Variants in PTPN11 observed in about 807,000 individuals in gnomAD.
PTPN11 encodes protein tyrosine phosphatase non-receptor type 11, also known as tyrosine-protein phosphatase non-receptor type 11.
In PTPN11, 6 loss-of-function variants were observed where a neutral mutation model predicts 78.8. That is an observed-to-expected ratio of 0.08 (90% CI 0.04 to 0.15). The LOEUF (loss-of-function observed/expected upper bound fraction) is 0.15, where lower values mean the gene tolerates loss of function less well. Among genes scored for constraint, PTPN11 ranks in the 10% least tolerant of loss-of-function variants. The pLI is 1.00. For synonymous variants in PTPN11, 221 were observed against 263.5 expected, an observed-to-expected ratio of 0.84 and a Z score of 1.56; for missense variants, 386 against 744.8, an observed-to-expected ratio of 0.52 and a Z score of 5.61.
intron 11 of PTPN11, 70 bp downstream of exon 11, chr12:112,486,699 C>T: frequency 1.3e-6 from 2 of 1,584,052 alleles, no homozygotes; most frequent in African/African-American, 1.3e-5. Context: ...CTTGCTTTTA[C>T]CTACCCACTC....
At position 112,418,987 on chromosome 12, in the gene PTPN11, G is replaced by T. The variant is rs1430863892; in HGVS notation, c.-125G>T. 5.7e-5 allele frequency: 71 copies of T among 1,251,566 alleles called. No individual in the cohort carries two copies. The highest frequency in any genetic ancestry group is 7.8e-5 in the Non-Finnish European group (70 of 896,944). The allele number at this position is 1,251,566 out of a possible 1,614,324, so 77.5% of individuals were successfully genotyped here. A position where few individuals can be genotyped will look rare whatever the true frequency, so the allele number is the denominator to read the frequency against. ...CAGGCCTGGAGGGGGGTCTGTGCGCGGCCGGCTGGCTCTGCCCCGCGTCCG... is the reference window on the plus strand; with the variant it reads ...CAGGCCTGGAGGGGGGTCTGTGCGCTGCCGGCTGGCTCTGCCCCGCGTCCG... On this transcript the variant is annotated 5_prime_UTR_variant, in exon 1 of 16. Coordinates refer to ENST00000351677, the MANE Select transcript of PTPN11 (RefSeq NM_002834.5).
At chr12:112,438,927 G>C (rs1214470456) in intron 1 of PTPN11, among the ~76,000 whole-genome samples, 1 of 150,446 alleles carries the variant, frequency 6.6e-6, no homozygotes, top group Non-Finnish European at 1.5e-5. Flanking sequence ...TGCCTGGCTT[G>C]TTTTGTTTTT....
chr12:112,439,585 C>T (rs2037849568), intron 1 of PTPN11, among the ~76,000 whole-genome samples: 1 of 152,094 alleles, frequency 6.6e-6, no homozygotes, highest in Non-Finnish European at 1.5e-5. Context: ...TCTCCTGCCT[C>T]AGCCTCCGGA....
intron 6 of PTPN11, among the ~76,000 whole-genome samples, chr12:112,472,564 C>T (rs572571518): frequency 4.0e-5 from 6 of 149,344 alleles, no homozygotes; most frequent in South Asian, 2.1e-4. Flanking sequence ...GACGGAGTCT[C>T]GCTCTTTCGC....
chr12:112,481,249 T>C (rs907400557), intron 9 of PTPN11, among the ~76,000 whole-genome samples: 3 of 152,186 alleles, frequency 2.0e-5, no homozygotes, highest in African/African-American at 7.2e-5. Context: ...CAGCCTAGCC[T>C]CCTCCAGAAT....
At chr12:112,481,899 C>T (rs2038601084) in intron 9 of PTPN11, among the ~76,000 whole-genome samples, 175 bp from the exon 10 acceptor site, 1 of 152,230 alleles carries the variant, frequency 6.6e-6, no homozygotes, top group Non-Finnish European at 1.5e-5. Flanking sequence ...CCTCCGAATG[C>T]CTGCTTTTCT....
At chr12:112,473,099 C>T (rs1021067731) in intron 7 of PTPN11, 59 bp downstream of exon 7, 26 of 1,353,148 alleles carry the variant, frequency 1.9e-5, no homozygotes, top group Non-Finnish European at 2.5e-5. Flanking sequence ...TTCCTAGCAC[C>T]TCTGTACCTT....
intron 1 of PTPN11, 126 bp from the exon 2 acceptor site, chr12:112,446,150 A>G (rs2037991053): frequency 3.4e-6 from 4 of 1,179,298 alleles, no homozygotes; most frequent in East Asian, 2.5e-5. Flanking sequence ...AGGGACAGGG[A>G]AGGTCTTGAT....
chr12:112,419,012 G>A lies in PTPN11; in HGVS notation c.-100G>A. The A allele has an allele frequency of 2.0e-6, 3 of 1,469,884 alleles. No homozygotes were observed. The highest frequency in any genetic ancestry group is 2.5e-5 in the East Asian group (1 of 39,354). The allele number at this position is 1,469,884 out of a possible 1,614,324, so 91.1% of individuals were successfully genotyped here. ...GGCCGGCTGGCTCTGCCCCGCGTCC[G>A]GTCCCGAGCGGGCCTCCCTCGGGCC... On this transcript the variant is annotated 5_prime_UTR_variant, in exon 1 of 16. Transcript: ENST00000351677.
In PTPN11 at chr12:112,489,155, C is replaced by T. The variant is rs191525506; in HGVS notation, c.1579C>T (p.Arg527Cys). ...CCAGCATTATATTGAAACACTACAGCGCAGGATTGAAGAAGAGCAGGTACC... is the reference window on the plus strand; with the variant it reads ...CCAGCATTATATTGAAACACTACAGTGCAGGATTGAAGAAGAGCAGGTACC... ...AVQHYIETLQ[R>C]RIEEEQKSKR... Residue 527 changes from arginine to cysteine, a missense_variant, in exon 13 of 16, where the codon CGC becomes TGC. Transcript: ENST00000351677. The T allele has an allele frequency of 2.7e-5, 44 of 1,614,158 alleles. No homozygotes were observed. The highest frequency in any genetic ancestry group is 6.6e-5 in the South Asian group (6 of 91,086).
At chr12:112,449,616 C>T (rs1325120561) in intron 2 of PTPN11, among the ~76,000 whole-genome samples, 1 of 152,222 alleles carries the variant, frequency 6.6e-6, no homozygotes, top group African/African-American at 2.4e-5. Flanking sequence ...AGTAATGTAG[C>T]ACTATTTGTT....
At chr12:112,485,437 T>C (rs2038660207) in intron 10 of PTPN11, among the ~76,000 whole-genome samples, 1 of 152,204 alleles carries the variant, frequency 6.6e-6, no homozygotes, top group Admixed American at 6.5e-5. Flanking sequence ...ATAGCCATAA[T>C]GTGCTGAGTC....
chr12:112,494,593 C>G (rs891205796), intron 13 of PTPN11, among the ~76,000 whole-genome samples: 1 of 152,140 alleles, frequency 6.6e-6, no homozygotes, highest in African/African-American at 2.4e-5. Context: ...GGTCTAGGCT[C>G]ATCTTCTCCT....
chr12:112,418,999 C>G lies in PTPN11; in HGVS notation c.-113C>G. ...GGGGTCTGTGCGCGGCCGGCTGGCT[C>G]TGCCCCGCGTCCGGTCCCGAGCGGG... On this transcript the variant is annotated 5_prime_UTR_variant, in exon 1 of 16. Coordinates refer to ENST00000351677, the MANE Select transcript of PTPN11 (RefSeq NM_002834.5). 7.2e-7 allele frequency: 1 copy of G among 1,394,162 alleles called. No homozygotes were observed. The highest frequency in any genetic ancestry group is 9.8e-7 in the Non-Finnish European group (1 of 1,023,984). 86.4% of individuals were successfully genotyped at this position (1,394,162 alleles called of 1,614,324 possible).
In PTPN11 at chr12:112,509,513, A is replaced by G. The variant is rs1592867339; in HGVS notation, c.*3721A>G. 1 of 152,654 alleles carries G rather than the reference A, an allele frequency of 6.6e-6. No homozygotes were observed. The highest frequency in any genetic ancestry group is 6.5e-5 in the Admixed American group (1 of 15,288). The allele number at this position is 152,654 out of a possible 1,614,324, so 9.5% of individuals were successfully genotyped here. A position where few individuals can be genotyped will look rare whatever the true frequency, so the allele number is the denominator to read the frequency against. ...GACCTACAATTAATTTTCCTGCAGT[A>G]TATGAAGTATTGTACCAGAGTATTA... is the stretch of plus-strand genomic sequence containing the variant. On this transcript the variant is annotated 3_prime_UTR_variant, in exon 16 of 16. Coordinates refer to ENST00000351677, the MANE Select transcript of PTPN11 (RefSeq NM_002834.5).
chr12:112,486,784 C>T, intron 11 of PTPN11, 155 bp downstream of exon 11: 2 of 1,496,350 alleles, frequency 1.3e-6, no homozygotes, highest in South Asian at 1.3e-5. Flanking sequence ...ACATTTTGAT[C>T]CCAAGGCATA....
rs1426097407 is a variant in PTPN11 at position 112,477,624 on chromosome 12, T to A, written c.854-27T>A. 7.6e-6 allele frequency: 12 copies of A among 1,569,544 alleles called. No homozygotes were observed. The Admixed American group carries it at 1.8e-4, about 24-fold the overall frequency. ...TTTTCCTGAAGCAGTCCAGGACTTA[T>A]GTGACCGTGGTCTCTTTTTCTTCTA... is the stretch of plus-strand genomic sequence containing the variant. On this transcript the variant is annotated intron_variant, in intron 7 of 15. Coordinates refer to ENST00000351677, the MANE Select transcript of PTPN11 (RefSeq NM_002834.5).
At chr12:112,421,921 T>A (rs1229750906) in intron 1 of PTPN11, among the ~76,000 whole-genome samples, 1 of 152,112 alleles carries the variant, frequency 6.6e-6, no homozygotes, top group Non-Finnish European at 1.5e-5. Flanking sequence ...AGCTATTGCG[T>A]CCCGCCTTCA....
chr12:112,424,873 GTGTGTGTGTGTGTGTGTA>G (rs1461440612), intron 1 of PTPN11, among the ~76,000 whole-genome samples: 7 of 142,872 alleles, frequency 4.9e-5, no homozygotes, highest in Admixed American at 1.5e-4. Context: ...CTAATTGTGT[GTGTGTGTGTGTGTGTGTA>G]TGTGTGTGTG....
Sources: gnomAD v4.1 joint callset for allele counts (sites outside exome capture counted in the v4.1 genomes callset) on GRCh38, gnomAD v4.1.1 for gene constraint, MANE v1.5 for transcripts, NCBI Gene and HGNC (gene_info 2026-07-23, HGNC 2026-07-21) for gene names.